The following RNF216 variants were observed in gnomAD, a reference collection of about 807,000 sequenced individuals.
RNF216 encodes E3 ubiquitin-protein ligase RNF216.
A neutral mutation model predicts 110.8 loss-of-function variants in RNF216; 72 were observed. The ratio of observed to expected loss-of-function variants is 0.65; its 90% confidence interval spans 0.54 to 0.79. The LOEUF (loss-of-function observed/expected upper bound fraction) is 0.79, where lower values mean the gene tolerates loss of function less well. Among genes scored for constraint, RNF216 ranks in the 30% least tolerant of loss-of-function variants. The pLI, the probability that RNF216 is intolerant of heterozygous loss-of-function variation, is 0.00. For synonymous variants in RNF216, 495 were observed against 407.5 expected, an observed-to-expected ratio of 1.21 and a Z score of -2.59; for missense variants, 1,342 against 1,141.2, an observed-to-expected ratio of 1.18 and a Z score of -2.54.
At chr7:5,669,793 G>A (rs756830217) in intron 13 of RNF216, among the ~76,000 whole-genome samples, 3 of 152,156 alleles carry the variant, frequency 2.0e-5, no homozygotes, top group Non-Finnish European at 4.4e-5. Flanking sequence ...TCGGGAGGCC[G>A]AGGTAGGAGA....
intron 1 of RNF216, chr7:5,777,618 G>C (rs1228926703): frequency 1.3e-5 from 2 of 152,250 alleles, no homozygotes; most frequent in Non-Finnish European, 2.9e-5. Context: ...GGTGACCACA[G>C]GATGGTGATG....
intron 2 of RNF216, among the ~76,000 whole-genome samples, chr7:5,755,138 GAGGAAGGAAAGAAGGAAGGAGAA>G (rs1795556338): frequency 1.5e-5 from 2 of 133,896 alleles, no homozygotes; most frequent in African/African-American, 5.0e-5. Context: ...AAGAGGGAGG[GAGGAAGGAAAGAAGGAAGGAGAA>G]AGGAAGGAAA....
intron 13 of RNF216, among the ~76,000 whole-genome samples, chr7:5,693,258 G>C (rs889362066): frequency 3.3e-5 from 5 of 152,170 alleles, no homozygotes; most frequent in African/African-American, 1.2e-4. Flanking sequence ...GAGTTAGGTA[G>C]CTGGGATAGA....
intron 13 of RNF216, among the ~76,000 whole-genome samples, chr7:5,699,548 G>A (rs1330398943): frequency 6.6e-6 from 1 of 152,168 alleles, no homozygotes; most frequent in Non-Finnish European, 1.5e-5. Flanking sequence ...TTTTTGTTGT[G>A]TTCTTCACCC....
intron 3 of RNF216, among the ~76,000 whole-genome samples, chr7:5,751,774 G>A (rs1795337834): frequency 1.5e-5 from 2 of 131,132 alleles, no homozygotes; most frequent in South Asian, 2.5e-4. Flanking sequence ...TTTTATGGAA[G>A]GAAGTGTTCC....
At chr7:5,623,725 C>T (rs1399226979) in intron 16 of RNF216, among the ~76,000 whole-genome samples, 1 of 152,192 alleles carries the variant, frequency 6.6e-6, no homozygotes, top group African/African-American at 2.4e-5. Context: ...TGTGCCAACA[C>T]ACCTGGCTTC....
chr7:5,666,887 T>G (rs1483780423), intron 13 of RNF216, among the ~76,000 whole-genome samples: 1 of 150,164 alleles, frequency 6.7e-6, no homozygotes, highest in African/African-American at 2.5e-5. Flanking sequence ...GGTGCCATCA[T>G]AGCTCACTGG....
At chr7:5,723,283 C>G (rs1488258533) in intron 8 of RNF216, among the ~76,000 whole-genome samples, 2 of 152,134 alleles carry the variant, frequency 1.3e-5, no homozygotes, top group African/African-American at 2.4e-5. Flanking sequence ...TTTCTTTCGT[C>G]TTTACTCAGT....
intron 15 of RNF216, among the ~76,000 whole-genome samples, chr7:5,628,463 T>C (rs1039708560): frequency 6.6e-6 from 1 of 152,226 alleles, no homozygotes; most frequent in African/African-American, 2.4e-5. Context: ...AAAAGTTTTT[T>C]TTCTTTTTTA....
chr7:5,656,177 G>A (rs1025143864), intron 13 of RNF216, among the ~76,000 whole-genome samples: 6 of 152,266 alleles, frequency 3.9e-5, no homozygotes, highest in South Asian at 2.1e-4. Context: ...GCTGAGACAG[G>A]AGAATTGCTT....
chr7:5,690,591 T>C (rs977310474), intron 13 of RNF216, among the ~76,000 whole-genome samples: 3 of 152,120 alleles, frequency 2.0e-5, no homozygotes, highest in African/African-American at 7.2e-5. Context: ...CAGCAGTGCT[T>C]TCCCTGTACA....
chr7:5,736,959 C>T (rs1794454947), intron 5 of RNF216, among the ~76,000 whole-genome samples: 1 of 150,886 alleles, frequency 6.6e-6, no homozygotes, highest in East Asian at 2.0e-4. Context: ...AGCACCTCTG[C>T]CCGGCTGCCC....
At chr7:5,770,606 T>G (rs566124889) in intron 1 of RNF216, among the ~76,000 whole-genome samples, 1 of 151,858 alleles carries the variant, frequency 6.6e-6, no homozygotes, top group East Asian at 1.9e-4. Context: ...CTTTATCAGG[T>G]TTTAAGAATA....
chr7:5,654,778 A>G (rs1397091985), intron 13 of RNF216, among the ~76,000 whole-genome samples: 2 of 150,832 alleles, frequency 1.3e-5, no homozygotes, highest in Non-Finnish European at 2.9e-5. Flanking sequence ...ATTTAAACGC[A>G]CTGCTTCCGA....
chr7:5,742,310 G>A (rs1237603140), intron 3 of RNF216, among the ~76,000 whole-genome samples: 1 of 152,216 alleles, frequency 6.6e-6, no homozygotes, highest in East Asian at 1.9e-4. Flanking sequence ...GCCTCCCAAA[G>A]TGCTGGGATT....
Position 5,621,381 on chromosome 7 carries a change from C to T in RNF216, c.*1479G>A, listed in dbSNP as rs1351576456. On this transcript the variant is annotated 3_prime_UTR_variant, in exon 17 of 17. Transcript: ENST00000389902. ...TAGAGACGGGGACTCAAACTCCCGA[C>T]CTCAACTCATCCGCCCGCCTCGGCC... The T allele has an allele frequency of 1.3e-5, 2 of 152,264 alleles. No homozygotes were observed. The highest frequency in any genetic ancestry group is 4.8e-5 in the African/African-American group (2 of 41,434). 9.4% of individuals were successfully genotyped at this position (152,264 alleles called of 1,614,324 possible). A position where few individuals can be genotyped will look rare whatever the true frequency, so the allele number is the denominator to read the frequency against.
At position 5,771,716 on chromosome 7, in the gene RNF216, G is replaced by A. The variant is rs73343309; in HGVS notation, c.-70+9825C>T. On this transcript the variant is annotated intron_variant, in intron 1 of 16. Transcript: ENST00000389902. ...GGAGGCTGAGGTGGGAAGATCTCTT[G>A]AGCTCGAGAGGTGGAGGTTGCAGTA... Among the ~76,000 whole-genome samples the A allele has an allele frequency of 5.5e-3, 844 of 152,268 alleles. 8 individuals carry two copies. The highest frequency in any genetic ancestry group is 0.019 in the African/African-American group (800 of 41,542).
intron 9 of RNF216, 109 bp downstream of exon 9, chr7:5,720,924 A>C (rs1326103558): frequency 4.7e-6 from 5 of 1,070,992 alleles, no homozygotes; most frequent in Non-Finnish European, 6.7e-6. Flanking sequence ...TCCAAATTTA[A>C]CAGTCTGAAG....
Position 5,621,975 on chromosome 7 carries a change from A to C in RNF216, c.*885T>G, listed in dbSNP as rs1444091458. 1 of 152,068 alleles carries C rather than the reference A, an allele frequency of 6.6e-6. No homozygotes were observed. Among genetic ancestry groups the C allele is most frequent in the Non-Finnish European group, 1.5e-5 (1 of 68,194 alleles). The allele number at this position is 152,068 out of a possible 1,614,324, so 9.4% of individuals were successfully genotyped here. A position where few individuals can be genotyped will look rare whatever the true frequency, so the allele number is the denominator to read the frequency against. ...CGGGGCAGGGGTGGCACCCAGGGTC[A>C]CCTGTCTCCCTAAGGAGGCCCACTC... On this transcript the variant is annotated 3_prime_UTR_variant, in exon 17 of 17. Transcript: ENST00000389902.
Sources: gnomAD v4.1 joint callset for allele counts (sites outside exome capture counted in the v4.1 genomes callset) on GRCh38, gnomAD v4.1.1 for gene constraint, MANE v1.5 for transcripts, NCBI Gene and HGNC (gene_info 2026-07-23, HGNC 2026-07-21) for gene names.